MYOM1: variants seen among roughly 807,000 people sequenced by gnomAD.
The protein encoded by MYOM1 is myomesin-1.
In MYOM1, 164 loss-of-function variants were observed where a neutral mutation model predicts 205.3. The observed-to-expected ratio is 0.80, with a 90% CI of 0.70 to 0.91. MYOM1 has a LOEUF of 0.91. Among genes scored for constraint, MYOM1 ranks in the 40% least tolerant of loss-of-function variants. The pLI is 0.00. For missense variants in MYOM1, 2,011 were observed against 2,127.3 expected (o/e 0.95, Z 1.08); for synonymous variants, 772 against 789.4 (o/e 0.98, Z 0.37).
chr18:3,218,525 A>G (rs2081296714), intron 1 of MYOM1, among the ~76,000 whole-genome samples: 1 of 152,352 alleles, frequency 6.6e-6, no homozygotes, highest in East Asian at 1.9e-4. Context: ...CTTTGCTTCA[A>G]CCCTTAAATA....
At chr18:3,229,830 G>A in the MYOM1 span, among the ~76,000 whole-genome samples, 25 of 152,004 alleles carry the variant, frequency 1.6e-4, no homozygotes, top group Admixed American at 7.2e-4. Context: ...TTAGCCAGGC[G>A]TGGTGGTGCA....
chr18:3,202,524 T>A (rs2081081241), intron 2 of MYOM1, among the ~76,000 whole-genome samples: 2 of 152,146 alleles, frequency 1.3e-5, no homozygotes, highest in African/African-American at 4.8e-5. Flanking sequence ...TATAGTAATA[T>A]AAAACATAAT....
At chr18:3,112,257 A>T in intron 22 of MYOM1, 41 bp downstream of exon 22, 1 of 1,558,410 alleles carries the variant, frequency 6.4e-7, no homozygotes, top group Non-Finnish European at 8.8e-7. Context: ...TCAGTATCTT[A>T]CACAGATAGG....
chr18:3,134,003 C>T (rs983611138), intron 16 of MYOM1, among the ~76,000 whole-genome samples: 2 of 152,150 alleles, frequency 1.3e-5, no homozygotes, highest in Non-Finnish European at 1.5e-5. Flanking sequence ...GCTGGGACTA[C>T]AGCACACCAC....
the MYOM1 span, among the ~76,000 whole-genome samples, chr18:3,233,587 G>C: frequency 6.6e-6 from 1 of 152,194 alleles, no homozygotes; most frequent in East Asian, 1.9e-4. Context: ...TTACTGGGTA[G>C]CACTGCCAGC....
chr18:3,237,582 G>C, the MYOM1 span, among the ~76,000 whole-genome samples: 3 of 123,112 alleles, frequency 2.4e-5, no homozygotes, highest in Non-Finnish European at 3.2e-5. Flanking sequence ...CTGGGCAACA[G>C]TGCAAGACTC....
rs1477582627 is a variant in MYOM1, at chr18:3,193,178, G to C, written c.431+640C>G. On this transcript the variant is annotated intron_variant, in intron 3 of 37. Transcript: ENST00000356443. ...GGACCCAGCTACTTGGGAGGCTGAG[G>C]TAGGAGGATTGCCTGAGTCTGGGAG... Among the ~76,000 whole-genome samples, 4 of 152,004 alleles carry C rather than the reference G, an allele frequency of 2.6e-5. No homozygotes were observed. In the East Asian group the frequency reaches 7.7e-4, roughly 29 times the overall value.
chr18:3,137,081 G>A (rs957861271), intron 14 of MYOM1, among the ~76,000 whole-genome samples: 1 of 151,880 alleles, frequency 6.6e-6, no homozygotes, highest in Non-Finnish European at 1.5e-5. Flanking sequence ...CTCCCGAGTA[G>A]CTGGGACTAC....
chr18:3,190,619 A>T (rs1330574048), intron 3 of MYOM1: 1 of 152,212 alleles, frequency 6.6e-6, no homozygotes, highest in Admixed American at 6.5e-5. Flanking sequence ...GGGCAGGAAG[A>T]AGATGAAAGA....
chr18:3,217,499 C>G (rs1039525120), intron 1 of MYOM1, among the ~76,000 whole-genome samples: 1 of 152,154 alleles, frequency 6.6e-6, no homozygotes, highest in Non-Finnish European at 1.5e-5. Context: ...CCTGTTAGAC[C>G]TCCCAGAGGA....
At chr18:3,199,109 T>C (rs1028177480) in intron 2 of MYOM1, among the ~76,000 whole-genome samples, 12 of 152,166 alleles carry the variant, frequency 7.9e-5, no homozygotes, top group African/African-American at 2.4e-4. Flanking sequence ...CCTAGGCTTC[T>C]CCCATCCCTT....
intron 5 of MYOM1, among the ~76,000 whole-genome samples, chr18:3,183,734 A>G (rs58744264): frequency 0.015 from 2,234 of 152,288 alleles, 43 homozygotes; most frequent in African/African-American, 0.047. Context: ...GGAAGCTGCA[A>G]TTGGATACCA....
chr18:3,239,258 A>G, the MYOM1 span, among the ~76,000 whole-genome samples: 1 of 152,186 alleles, frequency 6.6e-6, no homozygotes. Flanking sequence ...AGGAGCAAGG[A>G]GAGTTCCTCT....
rs2081311557 is a variant in MYOM1 at position 3,219,864 on chromosome 18, G to C, written c.-90C>G. 1 of 152,334 alleles carries C rather than the reference G, an allele frequency of 6.6e-6. No homozygotes were observed. The highest frequency in any genetic ancestry group is 2.1e-4 in the South Asian group (1 of 4,832). The allele number at this position is 152,334 out of a possible 1,614,324, so 9.4% of individuals were successfully genotyped here. ...GATGAGGCCGAGGAGCTGGATGAGA[G>C]AATGAAGACTCCACCTAGGTTGAAT... On this transcript the variant is annotated 5_prime_UTR_variant, in exon 1 of 38. Transcript: ENST00000356443. The surrounding 1 kb of genome is among the most constrained non-coding windows in gnomAD (Gnocchi z 4.4).
At chr18:3,163,314 G>A (rs960076383) in intron 10 of MYOM1, among the ~76,000 whole-genome samples, 3 of 152,102 alleles carry the variant, frequency 2.0e-5, no homozygotes, top group South Asian at 2.1e-4. Flanking sequence ...CATCTCCACC[G>A]GAACAGTCAT....
chr18:3,199,839 CA>C (rs796607761), intron 2 of MYOM1, among the ~76,000 whole-genome samples: 98 of 139,432 alleles, frequency 7.0e-4, no homozygotes, highest in Admixed American at 8.5e-4. Context: ...GACTCCGTCT[CA>C]AAAAAAAAAA....
At chr18:3,151,962 C>T in intron 11 of MYOM1, 69 bp from the exon 12 acceptor site, 5 of 1,454,036 alleles carry the variant, frequency 3.4e-6, no homozygotes, top group Non-Finnish European at 4.7e-6. Context: ...TCCAGAGCTG[C>T]AGAATCACCC....
At chr18:3,132,110 A>G (rs950038283) in intron 16 of MYOM1, among the ~76,000 whole-genome samples, 59 of 70,512 alleles carry the variant, frequency 8.4e-4, no homozygotes, top group Admixed American at 1.5e-3. Context: ...ATTATTATAT[A>G]TGTGTGTGTA....
chr18:3,220,062 A>AG (rs2144278391), upstream of MYOM1: 1 of 152,378 alleles, frequency 6.6e-6, no homozygotes, highest in East Asian at 1.9e-4. Flanking sequence ...GGAGGAGGAG[A>AG]GGGGCATGGG....
Sources: gnomAD v4.1 joint callset for allele counts (sites outside exome capture counted in the v4.1 genomes callset) on GRCh38, gnomAD v4.1.1 for gene constraint, Gnocchi (gnomAD v3.1) non-coding constraint, MANE v1.5 for transcripts, NCBI Gene and HGNC (gene_info 2026-07-23, HGNC 2026-07-21) for gene names.